Variants in BCAS3 observed in about 807,000 individuals in gnomAD.
BCAS3 encodes BCAS3 microtubule associated cell migration factor.
A neutral mutation model predicts 116.1 loss-of-function variants in BCAS3; 53 were observed. The observed-to-expected ratio is 0.46, with a 90% CI of 0.37 to 0.57. The LOEUF is 0.57. Ranked by LOEUF, BCAS3 falls within the 20% of genes least tolerant of loss-of-function variation. The probability of loss-of-function intolerance (pLI) is 0.00; values close to 1 mark genes in which losing one functional copy is unlikely to be tolerated. For synonymous variants in BCAS3, 391 were observed against 408.2 expected, an observed-to-expected ratio of 0.96 and a Z score of 0.51; for missense variants, 917 against 1,165.4, an observed-to-expected ratio of 0.79 and a Z score of 3.10.
intron 22 of BCAS3, among the ~76,000 whole-genome samples, chr17:61,230,142 TACACACACACACACAC>T (rs58423435): frequency 2.0e-5 from 3 of 149,942 alleles, no homozygotes; most frequent in Admixed American, 6.6e-5. Flanking sequence ...AGTGTGTGTA[TACACACACACACACAC>T]ACACACACAC....
At chr17:61,148,055 T>C (rs1168445954) in intron 22 of BCAS3, among the ~76,000 whole-genome samples, 1 of 151,964 alleles carries the variant, frequency 6.6e-6, no homozygotes, top group East Asian at 1.9e-4. Context: ...AGATACAGTA[T>C]GTGCTAAATT....
At chr17:61,085,875 A>AAT (rs1390426445) in intron 22 of BCAS3, among the ~76,000 whole-genome samples, 4 of 152,204 alleles carry the variant, frequency 2.6e-5, no homozygotes, top group African/African-American at 9.7e-5. Context: ...GAATCCTGGA[A>AAT]ATGTTACATA....
intron 22 of BCAS3, among the ~76,000 whole-genome samples, chr17:61,299,718 T>C (rs2053277991): frequency 6.6e-6 from 1 of 152,168 alleles, no homozygotes; most frequent in Non-Finnish European, 1.5e-5. Context: ...TGAGCCAGGA[T>C]TAGGAACAAT....
At chr17:60,874,162 G>T (rs1372656175) in intron 8 of BCAS3, among the ~76,000 whole-genome samples, 2 of 152,154 alleles carry the variant, frequency 1.3e-5, no homozygotes, top group African/African-American at 4.8e-5. Context: ...GACCTCCTGG[G>T]CTCAAGTGAT....
At position 61,355,731 on chromosome 17, in the gene BCAS3, G is replaced by A. The variant is rs1018130065; in HGVS notation, c.2426-12596G>A. Among the ~76,000 whole-genome samples the A allele has an allele frequency of 6.6e-6, 1 of 152,212 alleles. No individual in the cohort carries two copies. Among genetic ancestry groups the A allele is most frequent in the African/African-American group, 2.4e-5 (1 of 41,454 alleles). ...GATGCAAAGTGGACACCCGACAAATGTTAGTTATCTTACCTTTCCTGATAC... is the reference window on the plus strand; with the variant it reads ...GATGCAAAGTGGACACCCGACAAATATTAGTTATCTTACCTTTCCTGATAC... On this transcript the variant is annotated intron_variant, in intron 22 of 23. Coordinates refer to ENST00000407086, the MANE Select transcript of BCAS3 (RefSeq NM_017679.5). This position sits in a 1 kb window ranked among gnomAD's most constrained non-coding sequence, Gnocchi z 4.2.
In BCAS3 at chr17:61,044,465, A is replaced by AAAAAAAAAAAAAATATATAT; in HGVS notation, c.2029+3574_2029+3575insAAAAAAAAAAAATATATATA. Among the ~76,000 whole-genome samples the AAAAAAAAAAAAAATATATAT allele has an allele frequency of 3.7e-4, 44 of 120,090 alleles. 2 individuals carry two copies. The highest frequency in any genetic ancestry group is 2.1e-3 in the African/African-American group (43 of 20,026). The allele number at this position is 120,090 out of a possible 152,430, so 78.8% of individuals were successfully genotyped here. ...CTGTCTCAAAAAAAAAAAAAAAAAA[A>AAAAAAAAAAAAAATATATAT]ATATATATATATATGCCATAAGAAC... On this transcript the variant is annotated intron_variant, in intron 19 of 23. Coordinates refer to ENST00000407086, the MANE Select transcript of BCAS3 (RefSeq NM_017679.5).
chr17:61,128,035 C>A lies in BCAS3; in HGVS notation c.2425+43471C>A. Reference sequence around the variant, plus strand: ...GGGGAAGACATTCAGCAAAGAACACCACAATTCCCATTGAGCTCAGAAAAT... The same window carrying A: ...GGGGAAGACATTCAGCAAAGAACACAACAATTCCCATTGAGCTCAGAAAAT... On this transcript the variant is annotated intron_variant, in intron 22 of 23. Coordinates refer to ENST00000407086, the MANE Select transcript of BCAS3 (RefSeq NM_017679.5). The surrounding 1 kb of genome is among the most constrained non-coding windows in gnomAD (Gnocchi z 4.1). 1 of 244,334 alleles carries A rather than the reference C, an allele frequency of 4.1e-6. No individual in the cohort carries two copies. Among genetic ancestry groups the A allele is most frequent in the Non-Finnish European group, 6.5e-6 (1 of 152,752 alleles). The allele number at this position is 244,334 out of a possible 1,614,324, so 15.1% of individuals were successfully genotyped here.
rs1326794589 is a variant in BCAS3 at position 61,281,543 on chromosome 17, A to G, written c.2426-86784A>G. On this transcript the variant is annotated intron_variant, in intron 22 of 23. Coordinates refer to ENST00000407086, the MANE Select transcript of BCAS3 (RefSeq NM_017679.5). This position sits in a 1 kb window ranked among gnomAD's most constrained non-coding sequence, Gnocchi z 4.2. ...CTCTGCAAATCAGATTCAATGTGTCATTTTATTGTAATTTAAATTTGCATT... is the reference window on the plus strand; with the variant it reads ...CTCTGCAAATCAGATTCAATGTGTCGTTTTATTGTAATTTAAATTTGCATT... Among the ~76,000 whole-genome samples, 1 of 152,154 alleles carries G rather than the reference A, an allele frequency of 6.6e-6. No homozygotes were observed. The highest frequency in any genetic ancestry group is 1.5e-5 in the Non-Finnish European group (1 of 68,006).
rs2081727382 is a variant in BCAS3, at chr17:61,215,430, T to G, written c.2425+130866T>G. ...TTGTGAAGCATCTACACTAGATGAT[T>G]CCTGTCCTCCCTCTAGATTTGTAGT... On this transcript the variant is annotated intron_variant, in intron 22 of 23. Transcript: ENST00000407086. The surrounding 1 kb of genome is among the most constrained non-coding windows in gnomAD (Gnocchi z 4.8). Among the ~76,000 whole-genome samples the G allele has an allele frequency of 6.6e-6, 1 of 152,194 alleles. No homozygotes were observed. Among genetic ancestry groups the G allele is most frequent in the Admixed American group, 6.5e-5 (1 of 15,288 alleles).
intron 19 of BCAS3, among the ~76,000 whole-genome samples, chr17:61,053,179 G>A (rs955444889): frequency 2.0e-5 from 3 of 152,154 alleles, no homozygotes; most frequent in Non-Finnish European, 2.9e-5. Flanking sequence ...TAGTAGAGGA[G>A]TACTAAAATT....
chr17:60,714,201 CA>C (rs1209286182), intron 5 of BCAS3, among the ~76,000 whole-genome samples: 1 of 152,176 alleles, frequency 6.6e-6, no homozygotes, highest in Non-Finnish European at 1.5e-5. Context: ...CTCCTGGCCT[CA>C]GGCAGTCCTC....
chr17:61,359,887 G>A (rs1035831845), intron 22 of BCAS3, among the ~76,000 whole-genome samples: 9 of 152,278 alleles, frequency 5.9e-5, no homozygotes, highest in Non-Finnish European at 1.3e-4. Flanking sequence ...GGATCTATCT[G>A]CTTCCTTAAA....
chr17:60,797,374 A>G (rs1404023721), intron 6 of BCAS3, among the ~76,000 whole-genome samples: 1 of 151,080 alleles, frequency 6.6e-6, no homozygotes, highest in Non-Finnish European at 1.5e-5. Context: ...TTATTTATTT[A>G]TTTATTTATT....
At position 61,248,832 on chromosome 17, in the gene BCAS3, T is replaced by C. The variant is rs868588466; in HGVS notation, c.2426-119495T>C. Among the ~76,000 whole-genome samples the C allele has an allele frequency of 2.6e-5, 4 of 152,346 alleles. No individual in the cohort carries two copies. The South Asian group carries it at 8.3e-4, about 32-fold the overall frequency. On this transcript the variant is annotated intron_variant, in intron 22 of 23. Transcript: ENST00000407086. The surrounding 1 kb of genome is among the most constrained non-coding windows in gnomAD (Gnocchi z 4.3). ...AGAGGTTTGAAGCAGTATATTCACCTTTTACACTTCAAACCACTTGGAGTA... is the reference window on the plus strand; with the variant it reads ...AGAGGTTTGAAGCAGTATATTCACCCTTTACACTTCAAACCACTTGGAGTA...
Position 61,124,053 on chromosome 17 carries a change from A to G in BCAS3, c.2425+39489A>G, listed in dbSNP as rs2075929551. ...GTTTTCAGCTATCAAATGTTATTTC[A>G]AACTTGTATCTAGGAGAGAGATATA... On this transcript the variant is annotated intron_variant, in intron 22 of 23. Coordinates refer to ENST00000407086, the MANE Select transcript of BCAS3 (RefSeq NM_017679.5). This position sits in a 1 kb window ranked among gnomAD's most constrained non-coding sequence, Gnocchi z 4.6. Among the ~76,000 whole-genome samples, 1 of 152,118 alleles carries G rather than the reference A, an allele frequency of 6.6e-6. No homozygotes were observed. Among genetic ancestry groups the G allele is most frequent in the South Asian group, 2.1e-4 (1 of 4,798 alleles).
chr17:60,902,518 C>T (rs1377623799), intron 10 of BCAS3, 102 bp from the exon 11 acceptor site: 2 of 919,548 alleles, frequency 2.2e-6, no homozygotes, highest in African/African-American at 1.6e-5. Flanking sequence ...TCCCACCCAT[C>T]ACCATCACTG....
intron 22 of BCAS3, among the ~76,000 whole-genome samples, chr17:61,148,417 G>T (rs1040128431): frequency 3.9e-5 from 6 of 152,144 alleles, no homozygotes; most frequent in African/African-American, 1.2e-4. Flanking sequence ...AAACTCAGAG[G>T]CTACACTGGC....
chr17:61,231,494 G>C (rs2082677152), intron 22 of BCAS3, among the ~76,000 whole-genome samples: 1 of 152,118 alleles, frequency 6.6e-6, no homozygotes, highest in Admixed American at 6.6e-5. Context: ...GAAGTACAAA[G>C]CTGTTTTTAA....
rs1481935822 is a variant in BCAS3, at chr17:61,344,752, T to C, written c.2426-23575T>C. ...GGTTGTTGGAGGGACTGAGGGAGGT[T>C]CATCATGGCTTACCAAAAGGAAGGG... On this transcript the variant is annotated intron_variant, in intron 22 of 23. Coordinates refer to ENST00000407086, the MANE Select transcript of BCAS3 (RefSeq NM_017679.5). The surrounding 1 kb of genome is among the most constrained non-coding windows in gnomAD (Gnocchi z 4.1). Among the ~76,000 whole-genome samples the C allele has an allele frequency of 6.6e-6, 1 of 152,034 alleles. No individual in the cohort carries two copies. Among genetic ancestry groups the C allele is most frequent in the Non-Finnish European group, 1.5e-5 (1 of 68,004 alleles).
Sources: allele counts gnomAD v4.1 joint callset (sites outside exome capture counted in the v4.1 genomes callset), GRCh38; gene constraint gnomAD v4.1.1; non-coding constraint Gnocchi (gnomAD v3.1); transcripts MANE v1.5; gene names NCBI Gene and HGNC (gene_info 2026-07-23, HGNC 2026-07-21).